Variants in NEGR1 observed in about 807,000 individuals in gnomAD.
The protein encoded by NEGR1 is neuronal growth regulator 1.
In NEGR1, 10 loss-of-function variants were observed where a neutral mutation model predicts 40.9. That is an observed-to-expected ratio of 0.24 (90% confidence interval 0.15 to 0.42). NEGR1 has a LOEUF of 0.42. Ranked by LOEUF, NEGR1 falls within the 10% of genes least tolerant of loss-of-function variation. The pLI, the probability that NEGR1 is intolerant of heterozygous loss-of-function variation, is 1.00. For missense variants in NEGR1, 352 were observed against 438.9 expected (o/e 0.80, Z 1.77); for synonymous variants, 185 against 166.8 (o/e 1.11, Z -0.84).
At chr1:71,775,433 C>T (rs1204905343) in intron 3 of NEGR1, among the ~76,000 whole-genome samples, 2 of 151,392 alleles carry the variant, frequency 1.3e-5, no homozygotes, top group Non-Finnish European at 2.9e-5. Context: ...GCAACCTCTG[C>T]CTCCTGGGTT....
At chr1:71,656,436 G>A (rs375754949) in intron 4 of NEGR1, among the ~76,000 whole-genome samples, 242 of 152,076 alleles carry the variant, frequency 1.6e-3, no homozygotes, top group African/African-American at 5.4e-3. Flanking sequence ...TGTTTGAGAC[G>A]GAGTCTGGCT....
At chr1:71,740,539 A>T (rs943491987) in intron 3 of NEGR1, among the ~76,000 whole-genome samples, 6 of 152,114 alleles carry the variant, frequency 3.9e-5, no homozygotes, top group African/African-American at 1.4e-4. Flanking sequence ...ACTTCATCCC[A>T]CAAAGATGTT....
intron 1 of NEGR1, among the ~76,000 whole-genome samples, chr1:72,143,695 T>C (rs945972582): frequency 3.8e-4 from 57 of 150,674 alleles, no homozygotes; most frequent in African/African-American, 1.0e-3. Context: ...CTAAAACAGA[T>C]ACTTTCCACT....
chr1:71,758,891 G>T (rs766254954), intron 3 of NEGR1, among the ~76,000 whole-genome samples: 11 of 152,148 alleles, frequency 7.2e-5, no homozygotes, highest in Non-Finnish European at 1.3e-4. Context: ...TAGCCTTGAT[G>T]AATACAACTT....
chr1:71,869,760 A>G (rs1294614081), intron 2 of NEGR1, among the ~76,000 whole-genome samples: 1 of 152,082 alleles, frequency 6.6e-6, no homozygotes, highest in Non-Finnish European at 1.5e-5. Flanking sequence ...TTGACTTCTT[A>G]TTTTTCACTT....
At chr1:72,257,113 G>T (rs1176920309) in intron 1 of NEGR1, among the ~76,000 whole-genome samples, 1 of 151,986 alleles carries the variant, frequency 6.6e-6, no homozygotes, top group Non-Finnish European at 1.5e-5. Context: ...ACGAGGTCAG[G>T]AGATTGAGAC....
chr1:71,564,584 C>A (rs1292072701), intron 6 of NEGR1, among the ~76,000 whole-genome samples: 1 of 152,002 alleles, frequency 6.6e-6, no homozygotes, highest in Non-Finnish European at 1.5e-5. Flanking sequence ...TTGATATGTA[C>A]AAAGATGTGC....
chr1:71,728,844 T>C (rs1377999560), intron 3 of NEGR1, among the ~76,000 whole-genome samples: 1 of 152,162 alleles, frequency 6.6e-6, no homozygotes, highest in Admixed American at 6.5e-5. Context: ...TTATTCTTTC[T>C]GTAGTGATAG....
At chr1:71,680,356 A>G (rs998849214) in intron 4 of NEGR1, among the ~76,000 whole-genome samples, 6 of 152,106 alleles carry the variant, frequency 3.9e-5, no homozygotes, top group Non-Finnish European at 8.8e-5. Flanking sequence ...AATTATTTTT[A>G]GCAATTTTTC....
At chr1:71,556,906 T>C (rs952426858) in intron 6 of NEGR1, among the ~76,000 whole-genome samples, 7 of 151,574 alleles carry the variant, frequency 4.6e-5, no homozygotes, top group Non-Finnish European at 1.0e-4. Context: ...ATGTGTAAAA[T>C]AGCAAAATGA....
chr1:72,071,310 T>A (rs1268626977), intron 1 of NEGR1, among the ~76,000 whole-genome samples: 1 of 151,988 alleles, frequency 6.6e-6, no homozygotes, highest in Non-Finnish European at 1.5e-5. Flanking sequence ...ATATTAAAAA[T>A]AAGTTAATGT....
At position 71,399,284 on chromosome 1, in the gene NEGR1, A is replaced by C. The variant is rs560875448; in HGVS notation, c.*8162T>G. 6.6e-6 allele frequency: 1 copy of C among 152,206 alleles called. No individual in the cohort carries two copies. Among genetic ancestry groups the C allele is most frequent in the Non-Finnish European group, 1.5e-5 (1 of 68,042 alleles). The allele number at this position is 152,206 out of a possible 1,614,324, so 9.4% of individuals were successfully genotyped here. On this transcript the variant is annotated 3_prime_UTR_variant, in exon 7 of 7. Coordinates refer to ENST00000357731, the MANE Select transcript of NEGR1 (RefSeq NM_173808.3). ...AATTGCTTATTCAAATGTAAAAAAA[A>C]AAACCCAGTCTTTCTCCTTGTCAAC...
intron 2 of NEGR1, among the ~76,000 whole-genome samples, chr1:71,845,734 T>TCTATCTATCTATCTAC (rs1553169265): frequency 1.3e-5 from 1 of 77,600 alleles, no homozygotes; most frequent in African/African-American, 4.0e-5. Context: ...TATCTATCTA[T>TCTATCTATCTATCTAC]CTACCTACCT....
chr1:72,142,525 TGATAGATA>T (rs57515875), intron 1 of NEGR1, among the ~76,000 whole-genome samples: 218 of 146,600 alleles, frequency 1.5e-3, no homozygotes, highest in South Asian at 7.7e-3. Flanking sequence ...CCTAGATAGA[TGATAGATA>T]GATAGATAGA....
rs933895149 is a variant in NEGR1, at chr1:72,105,281, C to T, written c.177-169970G>A. Among the ~76,000 whole-genome samples, 47 of 152,080 alleles carry T rather than the reference C, an allele frequency of 3.1e-4. 1 individual carries two copies. Among genetic ancestry groups the T allele is most frequent in the Admixed American group, 1.3e-4 (2 of 15,238 alleles). Reference sequence around the variant, plus strand: ...AACTAGATTGTTTGATGCAGATATACATGAATTTTTAAGAGATGTTTCTTC... The same window carrying T: ...AACTAGATTGTTTGATGCAGATATATATGAATTTTTAAGAGATGTTTCTTC... On this transcript the variant is annotated intron_variant, in intron 1 of 6. Transcript: ENST00000357731.
chr1:71,848,804 A>G (rs1355442296), intron 2 of NEGR1, among the ~76,000 whole-genome samples: 1 of 152,098 alleles, frequency 6.6e-6, no homozygotes, highest in Non-Finnish European at 1.5e-5. Context: ...AATATATTTC[A>G]TGGCCAGGTG....
intron 6 of NEGR1, among the ~76,000 whole-genome samples, chr1:71,523,984 C>A (rs1180502925): frequency 6.6e-6 from 1 of 151,772 alleles, no homozygotes; most frequent in East Asian, 1.9e-4. Context: ...GCAAAATCTT[C>A]ATTTAAACAA....
At chr1:71,450,671 A>G (rs912922040) in intron 6 of NEGR1, among the ~76,000 whole-genome samples, 1 of 151,968 alleles carries the variant, frequency 6.6e-6, no homozygotes, top group Non-Finnish European at 1.5e-5. Flanking sequence ...TTAGCTGGGC[A>G]TGGTGGCGCA....
chr1:71,697,452 T>C (rs1326865204), intron 4 of NEGR1, among the ~76,000 whole-genome samples: 3 of 151,848 alleles, frequency 2.0e-5, no homozygotes, highest in Non-Finnish European at 2.9e-5. Flanking sequence ...TGTAACATAC[T>C]AGCATTGACG....
Sources: gnomAD v4.1 joint callset for allele counts (sites outside exome capture counted in the v4.1 genomes callset) on GRCh38, gnomAD v4.1.1 for gene constraint, MANE v1.5 for transcripts, NCBI Gene and HGNC (gene_info 2026-07-23, HGNC 2026-07-21) for gene names.